OSBPL6: variants seen among roughly 807,000 people sequenced by gnomAD.
OSBPL6 encodes oxysterol-binding protein-related protein 6.
A neutral mutation model predicts 125.8 loss-of-function variants in OSBPL6; 49 were observed. That is an observed-to-expected ratio of 0.39 (90% CI 0.31 to 0.49). The LOEUF (loss-of-function observed/expected upper bound fraction) is 0.49. Ranked by LOEUF, OSBPL6 falls within the 20% of genes least tolerant of loss-of-function variation. The pLI is 0.88. For missense variants in OSBPL6, 986 were observed against 1,135.4 expected (o/e 0.87, Z 1.89); for synonymous variants, 394 against 391.8 (o/e 1.01, Z -0.07).
chr2:178,387,041 C>T lies in OSBPL6; in HGVS notation c.2078-20C>T. The T allele has an allele frequency of 2.0e-6, 3 of 1,536,132 alleles. No individual in the cohort carries two copies. The highest frequency in any genetic ancestry group is 2.7e-6 in the Non-Finnish European group (3 of 1,111,300). ...TAGATATGGGGTATGTATTTCTTGT[C>T]CTCTCCCTATGTCATTTAGATATCA... On this transcript the variant is annotated intron_variant, in intron 19 of 24. Coordinates refer to ENST00000190611, the MANE Select transcript of OSBPL6 (RefSeq NM_032523.4).
intron 3 of OSBPL6, chr2:178,320,438 C>A: frequency 6.3e-7 from 1 of 1,583,888 alleles, no homozygotes; most frequent in South Asian, 1.1e-5. Context: ...GTTCTAAGTT[C>A]CTTAAAAAAC....
intron 2 of OSBPL6, among the ~76,000 whole-genome samples, chr2:178,298,708 T>G (rs1254708743): frequency 2.7e-5 from 4 of 148,874 alleles, no homozygotes; most frequent in African/African-American, 7.3e-5. Flanking sequence ...TTTTTTTTGT[T>G]TTTTTTTTTT....
At chr2:178,315,851 T>C (rs900841992) in intron 3 of OSBPL6, among the ~76,000 whole-genome samples, 4 of 152,212 alleles carry the variant, frequency 2.6e-5, no homozygotes, top group Non-Finnish European at 4.4e-5. Flanking sequence ...GAGACTGTTA[T>C]TCACTCAGTT....
chr2:178,252,896 T>C (rs2091747761), intron 1 of OSBPL6, among the ~76,000 whole-genome samples: 1 of 152,168 alleles, frequency 6.6e-6, no homozygotes. Context: ...GATCACTACA[T>C]GTAGTCATGG....
Position 178,384,188 on chromosome 2 carries a change from T to C in OSBPL6, c.2013+12T>C. The C allele has an allele frequency of 1.9e-6, 3 of 1,611,126 alleles. No individual in the cohort carries two copies. The highest frequency in any genetic ancestry group is 2.2e-5 in the South Asian group (2 of 90,918). On this transcript the variant is annotated intron_variant, in intron 18 of 24. Transcript: ENST00000190611. ...TTTTCTCAGAACAGGTAAGCGCCACTGGACTCAGTGAGGTTTCTATATAGG... is the reference window on the plus strand; with the variant it reads ...TTTTCTCAGAACAGGTAAGCGCCACCGGACTCAGTGAGGTTTCTATATAGG...
chr2:178,306,528 C>T (rs756560378), intron 3 of OSBPL6, among the ~76,000 whole-genome samples: 2 of 152,094 alleles, frequency 1.3e-5, no homozygotes, highest in African/African-American at 4.8e-5. Flanking sequence ...TATGAGAAGC[C>T]CTGCCGTCTT....
chr2:178,207,074 A>G (rs2089575373), intron 1 of OSBPL6, among the ~76,000 whole-genome samples: 1 of 152,154 alleles, frequency 6.6e-6, no homozygotes, highest in Non-Finnish European at 1.5e-5. Flanking sequence ...GTTTTTAAAG[A>G]GAAAGCGATA....
At chr2:178,333,931 A>G (rs1689447318) in intron 8 of OSBPL6, among the ~76,000 whole-genome samples, 1 of 152,214 alleles carries the variant, frequency 6.6e-6, no homozygotes, top group Non-Finnish European at 1.5e-5. Context: ...TTTGTCCAGA[A>G]GTGACATAGC....
intron 2 of OSBPL6, among the ~76,000 whole-genome samples, chr2:178,289,876 A>G (rs1344365512): frequency 2.6e-5 from 4 of 152,164 alleles, no homozygotes. Context: ...AAGAGGCTTG[A>G]TTGGATTCAG....
chr2:178,388,541 T>C (rs1034239168), intron 20 of OSBPL6, among the ~76,000 whole-genome samples: 4 of 152,176 alleles, frequency 2.6e-5, no homozygotes, highest in African/African-American at 9.7e-5. Context: ...CTTCTGACCT[T>C]TGTGGCTCTG....
intron 10 of OSBPL6, 119 bp downstream of exon 10, chr2:178,339,213 C>A: frequency 1.9e-6 from 1 of 529,408 alleles, no homozygotes; most frequent in Non-Finnish European, 3.2e-6. Flanking sequence ...TACAGACATT[C>A]ATTTATATTC....
chr2:178,234,123 A>G (rs1329711462), intron 1 of OSBPL6, among the ~76,000 whole-genome samples: 1 of 152,234 alleles, frequency 6.6e-6, no homozygotes, highest in Non-Finnish European at 1.5e-5. Flanking sequence ...CTTAATGCTA[A>G]TTACCATATA....
At chr2:178,265,095 G>A (rs1032580306) in intron 1 of OSBPL6, among the ~76,000 whole-genome samples, 2 of 147,228 alleles carry the variant, frequency 1.4e-5, no homozygotes, top group Non-Finnish European at 3.0e-5. Context: ...TTGTACTGGC[G>A]GGTCTTTAAC....
chr2:178,315,280 G>A (rs1478445577), intron 3 of OSBPL6, among the ~76,000 whole-genome samples: 1 of 152,134 alleles, frequency 6.6e-6, no homozygotes, highest in Admixed American at 6.5e-5. Flanking sequence ...TGTCACTGTT[G>A]CATGGTGTTT....
In OSBPL6 at chr2:178,356,268, T is replaced by C. The variant is rs1415145022; in HGVS notation, c.1154-5414T>C. On this transcript the variant is annotated intron_variant, in intron 12 of 24. Coordinates refer to ENST00000190611, the MANE Select transcript of OSBPL6 (RefSeq NM_032523.4). ...TCAGGCAAGAGAAAGAAATAAAGGG[T>C]ATTCAATTAGGAAAAGAGGAAGTCA... 2.6e-5 allele frequency among the ~76,000 whole-genome samples: 4 copies of C among 152,088 alleles called. No homozygotes were observed. The East Asian group carries it at 5.8e-4, about 22-fold the overall frequency.
At position 178,311,515 on chromosome 2, in the gene OSBPL6, C is replaced by T. The variant is rs115592271; in HGVS notation, c.102+5229C>T. Among the ~76,000 whole-genome samples, 246 of 152,348 alleles carry T rather than the reference C, an allele frequency of 1.6e-3. 2 individuals carry two copies. Among genetic ancestry groups the T allele is most frequent in the African/African-American group, 5.7e-3 (239 of 41,570 alleles). On this transcript the variant is annotated intron_variant, in intron 3 of 24. Coordinates refer to ENST00000190611, the MANE Select transcript of OSBPL6 (RefSeq NM_032523.4). ...CACTGAAATGTAAGCCCTATGAAAACAGGGTTTTATTTCACTCAATAATGT... is the reference window on the plus strand; with the variant it reads ...CACTGAAATGTAAGCCCTATGAAAATAGGGTTTTATTTCACTCAATAATGT...
intron 12 of OSBPL6, among the ~76,000 whole-genome samples, chr2:178,351,346 A>G (rs1691238044): frequency 6.6e-6 from 1 of 152,214 alleles, no homozygotes; most frequent in Admixed American, 6.5e-5. Flanking sequence ...TAGAAAACCC[A>G]AAAGATGCCA....
intron 12 of OSBPL6, among the ~76,000 whole-genome samples, chr2:178,359,069 G>A (rs557690938): frequency 3.2e-4 from 48 of 152,214 alleles, no homozygotes; most frequent in African/African-American, 9.4e-4. Flanking sequence ...CTAGCTACTC[G>A]AGAGGCTGAT....
intron 3 of OSBPL6, among the ~76,000 whole-genome samples, chr2:178,321,012 G>A (rs548505400): frequency 4.1e-4 from 63 of 152,194 alleles, no homozygotes; most frequent in African/African-American, 1.3e-3. Context: ...ACAACCGGGC[G>A]TGGTGGCACG....
Sources: gnomAD v4.1 joint callset for allele counts (sites outside exome capture counted in the v4.1 genomes callset) on GRCh38, gnomAD v4.1.1 for gene constraint, MANE v1.5 for transcripts, NCBI Gene and HGNC (gene_info 2026-07-23, HGNC 2026-07-21) for gene names.